The following DLG2 variants were observed in gnomAD, a reference collection of about 807,000 sequenced individuals.
DLG2 encodes the protein discs large MAGUK scaffold protein 2.
DLG2 carries 45 observed loss-of-function variants against 132.5 expected under a neutral mutation model. The observed-to-expected ratio is 0.34, with a 90% confidence interval of 0.27 to 0.44. The LOEUF is 0.44. Among genes scored for constraint, DLG2 ranks in the 20% least tolerant of loss-of-function variants. DLG2 has a pLI of 1.00. For synonymous variants in DLG2, 424 were observed against 419.6 expected (o/e 1.01, Z -0.13); for missense variants, 1,045 against 1,196.9 (o/e 0.87, Z 1.87).
rs893500851 is a variant in DLG2 at position 84,347,226 on chromosome 11, G to C, written c.520-95935C>G. 2.6e-5 allele frequency among the ~76,000 whole-genome samples: 4 copies of C among 151,922 alleles called. No homozygotes were observed. The South Asian group carries it at 8.3e-4, about 32-fold the overall frequency. On this transcript the variant is annotated intron_variant, in intron 7 of 27. Transcript: ENST00000376104. ...AATAAATAAATGCATTGGGGTGGGG[G>C]TGAAGGCTAGAGCAAATGACTTCTT...
At chr11:84,726,004 CCT>C (rs752517721) in intron 6 of DLG2, among the ~76,000 whole-genome samples, 3 of 152,052 alleles carry the variant, frequency 2.0e-5, no homozygotes, top group Non-Finnish European at 4.4e-5. Flanking sequence ...CTTCCATACT[CCT>C]CTTACTGAAG....
chr11:84,677,146 G>A (rs1404628290), intron 6 of DLG2, among the ~76,000 whole-genome samples: 1 of 152,024 alleles, frequency 6.6e-6, no homozygotes, highest in Non-Finnish European at 1.5e-5. Flanking sequence ...TTTCGGGGAT[G>A]GAAATCAACA....
chr11:83,773,316 G>A lies in DLG2; in HGVS notation c.1825+13374C>T, dbSNP rs531696911. ...TATATTTACCTCTTGGAGTTGTTCT[G>A]TAGATTCAATAAGAAACACACATGA... On this transcript the variant is annotated intron_variant, in intron 18 of 27. Coordinates refer to ENST00000376104, the MANE Select transcript of DLG2 (RefSeq NM_001142699.3). 2.0e-5 allele frequency among the ~76,000 whole-genome samples: 3 copies of A among 152,270 alleles called. No individual in the cohort carries two copies. In the South Asian group the frequency reaches 6.2e-4, roughly 32 times the overall value.
At chr11:84,083,950 C>T (rs1427244536) in intron 10 of DLG2, among the ~76,000 whole-genome samples, 1 of 152,074 alleles carries the variant, frequency 6.6e-6, no homozygotes, top group South Asian at 2.1e-4. Flanking sequence ...GGAAAGTCTA[C>T]AAGATCCCAG....
At chr11:83,512,332 A>C (rs2095071008) in intron 21 of DLG2, among the ~76,000 whole-genome samples, 1 of 152,178 alleles carries the variant, frequency 6.6e-6, no homozygotes, top group African/African-American at 2.4e-5. Context: ...TTCGAGACGC[A>C]GTTCTGGCTT....
At chr11:83,897,746 A>C (rs790344) in intron 15 of DLG2, among the ~76,000 whole-genome samples, 12,404 of 152,244 alleles carry the variant, frequency 0.081, 704 homozygotes, top group Non-Finnish European at 0.12. Flanking sequence ...ACAAACAAAC[A>C]AACCCTGTCC....
intron 7 of DLG2, among the ~76,000 whole-genome samples, chr11:84,500,216 A>G (rs2099199476): frequency 6.6e-6 from 1 of 152,138 alleles, no homozygotes; most frequent in African/African-American, 2.4e-5. Flanking sequence ...TGTTGGAGGA[A>G]GAACATTCTC....
At chr11:85,495,150 T>C (rs1265306661) in intron 3 of DLG2, among the ~76,000 whole-genome samples, 1 of 152,108 alleles carries the variant, frequency 6.6e-6, no homozygotes, top group Non-Finnish European at 1.5e-5. Flanking sequence ...AAGCAAATAC[T>C]CATCCACTAC....
intron 15 of DLG2, among the ~76,000 whole-genome samples, chr11:83,904,682 A>G (rs1426451298): frequency 1.3e-5 from 2 of 151,930 alleles, no homozygotes; most frequent in African/African-American, 2.4e-5. Context: ...ACCATCCATC[A>G]TAATAACAAT....
intron 6 of DLG2, among the ~76,000 whole-genome samples, chr11:84,761,775 T>C (rs113769588): frequency 1.2e-4 from 19 of 152,200 alleles, no homozygotes; most frequent in African/African-American, 4.3e-4. Context: ...ACTGGCTTCC[T>C]GGCTCCTCAG....
intron 8 of DLG2, among the ~76,000 whole-genome samples, chr11:84,220,675 C>T: frequency 6.6e-6 from 1 of 151,424 alleles, no homozygotes; most frequent in African/African-American, 2.4e-5. Flanking sequence ...ATAAAAATTA[C>T]AGCTACCAAA....
intron 15 of DLG2, among the ~76,000 whole-genome samples, chr11:83,901,853 T>G (rs2073530804): frequency 6.6e-6 from 1 of 152,164 alleles, no homozygotes; most frequent in Admixed American, 6.6e-5. Context: ...CTTAATTTCC[T>G]CATCCACAAC....
chr11:84,379,216 A>G (rs921245448), intron 7 of DLG2, among the ~76,000 whole-genome samples: 3 of 152,154 alleles, frequency 2.0e-5, no homozygotes, highest in African/African-American at 7.2e-5. Flanking sequence ...ATAACAAAGT[A>G]AAAAGCTCAA....
intron 4 of DLG2, among the ~76,000 whole-genome samples, chr11:85,264,617 T>C (rs748658053): frequency 1.3e-5 from 2 of 152,078 alleles, no homozygotes; most frequent in African/African-American, 4.8e-5. Flanking sequence ...TTGCTATGAA[T>C]GGGGTACCAT....
chr11:85,238,633 C>T (rs1461482031), intron 4 of DLG2, among the ~76,000 whole-genome samples: 3 of 152,096 alleles, frequency 2.0e-5, no homozygotes, highest in African/African-American at 7.2e-5. Flanking sequence ...GATGCTTCTT[C>T]TTCCTTCTTT....
At chr11:84,692,689 A>C (rs1287246095) in intron 6 of DLG2, among the ~76,000 whole-genome samples, 3 of 151,740 alleles carry the variant, frequency 2.0e-5, no homozygotes, top group Non-Finnish European at 4.4e-5. Context: ...GAAGTGTAAA[A>C]CACTATGCAA....
At chr11:83,925,390 GTTAAGT>G (rs1181523909) in intron 15 of DLG2, among the ~76,000 whole-genome samples, 2 of 152,080 alleles carry the variant, frequency 1.3e-5, no homozygotes, top group Non-Finnish European at 2.9e-5. Flanking sequence ...AATAAACTCT[GTTAAGT>G]TTAATTTCTT....
intron 4 of DLG2, among the ~76,000 whole-genome samples, chr11:85,202,990 A>G (rs994158767): frequency 1.3e-5 from 2 of 151,026 alleles, no homozygotes; most frequent in Non-Finnish European, 1.5e-5. Context: ...GAGCTAGAAA[A>G]TAAGAACAAA....
chr11:84,417,206 T>G (rs570508958), intron 7 of DLG2, among the ~76,000 whole-genome samples: 1 of 152,336 alleles, frequency 6.6e-6, no homozygotes, highest in East Asian at 1.9e-4. Flanking sequence ...GACTTTCTGA[T>G]TGTGAACACT....
Sources: gnomAD v4.1 joint callset for allele counts (sites outside exome capture counted in the v4.1 genomes callset) on GRCh38, gnomAD v4.1.1 for gene constraint, MANE v1.5 for transcripts, NCBI Gene and HGNC (gene_info 2026-07-23, HGNC 2026-07-21) for gene names.